Variants in TRPM3 observed in about 807,000 individuals in gnomAD.
TRPM3 encodes transient receptor potential cation channel subfamily M member 3.
Under a neutral mutation model 181.2 loss-of-function variants are expected in TRPM3, and 77 were observed. The ratio of observed to expected loss-of-function variants is 0.42; its 90% confidence interval spans 0.35 to 0.51. The LOEUF is 0.51. TRPM3 is among the 20% of genes least tolerant of loss of function. TRPM3 has a pLI of 0.01. For synonymous variants in TRPM3, 745 were observed against 796.4 expected (o/e 0.94, Z 1.09); for missense variants, 1,759 against 2,196.7 (o/e 0.80, Z 3.98).
chr9:70,794,395 G>A (rs1301059445), intron 6 of TRPM3, among the ~76,000 whole-genome samples: 1 of 152,220 alleles, frequency 6.6e-6, no homozygotes, highest in East Asian at 1.9e-4. Flanking sequence ...AGCTTCTGGA[G>A]AGCAGCACCA....
At chr9:71,287,184 T>C (rs1002222345) in intron 1 of TRPM3, among the ~76,000 whole-genome samples, 2 of 148,904 alleles carry the variant, frequency 1.3e-5, no homozygotes, top group Non-Finnish European at 3.0e-5. Flanking sequence ...CATAATAAGA[T>C]AGTATCGGGA....
intron 1 of TRPM3, among the ~76,000 whole-genome samples, chr9:71,224,191 C>T (rs966920418): frequency 6.6e-6 from 1 of 152,168 alleles, no homozygotes; most frequent in Non-Finnish European, 1.5e-5. Flanking sequence ...CAGCTCAGCA[C>T]ATAGTGAGAA....
chr9:71,248,145 G>T (rs1431254756), intron 1 of TRPM3, among the ~76,000 whole-genome samples: 1 of 152,164 alleles, frequency 6.6e-6, no homozygotes, highest in South Asian at 2.1e-4. Flanking sequence ...GAAATTACTG[G>T]TTGTCAGTCT....
chr9:71,406,295 A>C (rs566581867), intron 1 of TRPM3, among the ~76,000 whole-genome samples: 15 of 152,380 alleles, frequency 9.8e-5, no homozygotes, highest in Admixed American at 9.2e-4. Flanking sequence ...AACACGGCAG[A>C]GTCTCTGTCA....
At chr9:71,048,769 G>T (rs1437338782) in intron 1 of TRPM3, among the ~76,000 whole-genome samples, 1 of 152,176 alleles carries the variant, frequency 6.6e-6, no homozygotes, top group African/African-American at 2.4e-5. Context: ...TGAGTGAAAA[G>T]CAGTGTCCAA....
At chr9:71,254,267 C>T (rs142573513) in intron 1 of TRPM3, among the ~76,000 whole-genome samples, 208 of 152,172 alleles carry the variant, frequency 1.4e-3, no homozygotes, top group African/African-American at 3.9e-3. Context: ...AGGTAAATAC[C>T]ATATTATCTC....
intron 1 of TRPM3, among the ~76,000 whole-genome samples, chr9:71,012,227 A>T (rs549480968): frequency 1.5e-4 from 23 of 152,176 alleles, no homozygotes; most frequent in Admixed American, 1.0e-3. Flanking sequence ...TCCCAACATA[A>T]CTTATTAAAA....
chr9:71,271,522 G>A (rs1446494369), intron 1 of TRPM3, among the ~76,000 whole-genome samples: 2 of 151,962 alleles, frequency 1.3e-5, no homozygotes, highest in African/African-American at 4.8e-5. Flanking sequence ...CAACCTGTGT[G>A]GTGGCTCATC....
chr9:71,325,917 C>A lies in TRPM3; in HGVS notation c.183+120736G>T, dbSNP rs1402535199. Among the ~76,000 whole-genome samples, 4 of 152,100 alleles carry A rather than the reference C, an allele frequency of 2.6e-5. No individual in the cohort carries two copies. In the South Asian group the frequency reaches 8.3e-4, roughly 32 times the overall value. On this transcript the variant is annotated intron_variant, in intron 1 of 24. Transcript: ENST00000357533. ...TAACTGGATTCACCTAGAGATTTTACAAATTTCTGGGAAGCTTGGGCAGAA... is the reference window on the plus strand; with the variant it reads ...TAACTGGATTCACCTAGAGATTTTAAAAATTTCTGGGAAGCTTGGGCAGAA...
chr9:70,603,290 T>G (rs1048614311), intron 20 of TRPM3, 52 bp downstream of exon 20: 8 of 1,586,494 alleles, frequency 5.0e-6, no homozygotes, highest in Admixed American at 1.8e-5. Flanking sequence ...CATCCACAGA[T>G]AGAACTTAAC....
At chr9:70,917,845 T>C (rs1388161255) in intron 1 of TRPM3, among the ~76,000 whole-genome samples, 4 of 151,572 alleles carry the variant, frequency 2.6e-5, no homozygotes, top group African/African-American at 7.3e-5. Context: ...TCAAAAGACA[T>C]AGAGTCACTC....
chr9:71,146,909 C>T (rs576124031), intron 1 of TRPM3, among the ~76,000 whole-genome samples: 6 of 152,300 alleles, frequency 3.9e-5, no homozygotes, highest in Admixed American at 1.3e-4. Context: ...CTTTCTAAAT[C>T]TATAGGAAAA....
intron 1 of TRPM3, among the ~76,000 whole-genome samples, chr9:71,196,501 A>C (rs1245913035): frequency 6.6e-6 from 1 of 151,788 alleles, no homozygotes; most frequent in East Asian, 1.9e-4. Context: ...GGAATCTAAT[A>C]CCTGCATTTT....
chr9:71,353,641 A>C (rs984141148), intron 1 of TRPM3, among the ~76,000 whole-genome samples: 1 of 152,122 alleles, frequency 6.6e-6, no homozygotes, highest in Non-Finnish European at 1.5e-5. Context: ...TGTCAATTGG[A>C]ATGTGTTTCT....
At chr9:71,145,806 C>G (rs569088423) in intron 1 of TRPM3, among the ~76,000 whole-genome samples, 20 of 151,988 alleles carry the variant, frequency 1.3e-4, no homozygotes, top group African/African-American at 4.8e-4. Context: ...CTCTTATAAA[C>G]TAATTAGAAT....
chr9:71,287,721 TTTTG>T (rs546812892), intron 1 of TRPM3, among the ~76,000 whole-genome samples: 319 of 152,092 alleles, frequency 2.1e-3, no homozygotes, highest in Non-Finnish European at 3.1e-3. Flanking sequence ...GAATAAGATA[TTTTG>T]TTTCTCACAG....
At chr9:71,245,474 A>G (rs1168274928) in intron 1 of TRPM3, among the ~76,000 whole-genome samples, 3 of 152,052 alleles carry the variant, frequency 2.0e-5, no homozygotes, top group South Asian at 4.2e-4. Flanking sequence ...GTGAAGAGAC[A>G]TCTGAACTTC....
intron 22 of TRPM3, among the ~76,000 whole-genome samples, chr9:70,570,598 C>A (rs183428417): frequency 6.6e-6 from 1 of 152,286 alleles, no homozygotes; most frequent in African/African-American, 2.4e-5. Context: ...CAGGCATAAG[C>A]CACGGCGTCC....
chr9:71,384,368 T>A (rs1209918252), intron 1 of TRPM3, among the ~76,000 whole-genome samples: 1 of 152,214 alleles, frequency 6.6e-6, no homozygotes, highest in Non-Finnish European at 1.5e-5. Flanking sequence ...TTATTTTAAC[T>A]ATATGTTTTC....
Sources: allele counts gnomAD v4.1 joint callset (sites outside exome capture counted in the v4.1 genomes callset), GRCh38; gene constraint gnomAD v4.1.1; transcripts MANE v1.5; gene names NCBI Gene and HGNC (gene_info 2026-07-23, HGNC 2026-07-21).